IL6R: variants seen among roughly 807,000 people sequenced by gnomAD.
IL6R encodes interleukin 6 receptor.
IL6R carries 38 observed loss-of-function variants against 48.3 expected under a neutral mutation model. The ratio of observed to expected loss-of-function variants is 0.79; its 90% CI spans 0.61 to 1.03. The LOEUF (loss-of-function observed/expected upper bound fraction) is 1.03. Ranked by LOEUF, IL6R falls within the 50% of genes least tolerant of loss-of-function variation. The pLI is 0.00. For missense variants in IL6R, 534 were observed against 618.3 expected (o/e 0.86, Z 1.45); for synonymous variants, 264 against 256.2 (o/e 1.03, Z -0.29).
chr1:154,450,104 C>G lies in IL6R; in HGVS notation c.1066+124C>G, dbSNP rs112232152. On this transcript the variant is annotated intron_variant, in intron 8 of 9. Transcript: ENST00000368485. ...ATCACAGATCAATCGCAGAAATGTTCTGTGTGTGTGTGTGTGTGTGTGTGT... is the reference window on the plus strand; with the variant it reads ...ATCACAGATCAATCGCAGAAATGTTGTGTGTGTGTGTGTGTGTGTGTGTGT... The G allele has an allele frequency of 3.6e-4, 175 of 480,842 alleles. 3 individuals carry two copies. Among genetic ancestry groups the G allele is most frequent in the East Asian group, 2.0e-3 (48 of 23,428 alleles). 29.8% of individuals were successfully genotyped at this position (480,842 alleles called of 1,614,324 possible). A position where few individuals can be genotyped will look rare whatever the true frequency, so the allele number is the denominator to read the frequency against.
chr1:154,457,061 G>A (rs1230916072), intron 9 of IL6R, among the ~76,000 whole-genome samples: 2 of 151,856 alleles, frequency 1.3e-5, no homozygotes, highest in Non-Finnish European at 2.9e-5. Context: ...GGTAGCTAAC[G>A]CCTGTAATCC....
intron 1 of IL6R, among the ~76,000 whole-genome samples, chr1:154,422,788 G>A (rs768997813): frequency 5.9e-5 from 9 of 152,220 alleles, no homozygotes; most frequent in Non-Finnish European, 1.0e-4. Context: ...GTGTCAGGCC[G>A]GGGTGGGAGC....
At chr1:154,414,493 C>A in intron 1 of IL6R, 1 of 886,622 alleles carries the variant, frequency 1.1e-6, no homozygotes, top group South Asian at 1.4e-5. Flanking sequence ...GGCCCGGGAC[C>A]CACCCTCACT....
At chr1:154,457,063 C>T (rs1204386061) in intron 9 of IL6R, among the ~76,000 whole-genome samples, 2 of 151,964 alleles carry the variant, frequency 1.3e-5, no homozygotes, top group African/African-American at 4.8e-5. Flanking sequence ...TAGCTAACGC[C>T]TGTAATCCCA....
At chr1:154,443,732 T>C (rs1458635917) in intron 6 of IL6R, among the ~76,000 whole-genome samples, 3 of 152,350 alleles carry the variant, frequency 2.0e-5, no homozygotes, top group South Asian at 4.1e-4. Context: ...GCCTGGCACA[T>C]GACAAGGGTG....
chr1:154,459,744 G>A (rs1405800062), intron 9 of IL6R, among the ~76,000 whole-genome samples: 3 of 151,886 alleles, frequency 2.0e-5, no homozygotes, highest in Non-Finnish European at 4.4e-5. Context: ...CCTATTCTCT[G>A]TCCCCCACTG....
At position 154,465,071 on chromosome 1, in the gene IL6R, T is replaced by C. The variant is rs376068379; in HGVS notation, c.1161-63T>C. ...GCAGCCAGCTGTTGGTGTTTTCCAC[T>C]GTGGGCTTGTCACAGGGGGAGCTAA... On this transcript the variant is annotated intron_variant, in intron 9 of 9. Transcript: ENST00000368485. 1,004 of 1,605,598 alleles carry C rather than the reference T, an allele frequency of 6.3e-4. 5 individuals carry two copies. The highest frequency in any genetic ancestry group is 7.7e-4 in the Non-Finnish European group (905 of 1,173,262).
At chr1:154,420,721 A>G (rs556743599) in intron 1 of IL6R, among the ~76,000 whole-genome samples, 3 of 151,818 alleles carry the variant, frequency 2.0e-5, no homozygotes, top group Admixed American at 6.6e-5. Flanking sequence ...TTTTTAATAG[A>G]GACAGGGTTT....
At chr1:154,409,533 G>C (rs763359239) in intron 1 of IL6R, among the ~76,000 whole-genome samples, 2 of 152,150 alleles carry the variant, frequency 1.3e-5, no homozygotes, top group Non-Finnish European at 2.9e-5. Context: ...GTATTACCTC[G>C]AAGGGTGGTT....
At chr1:154,453,765 C>T (rs1690720837) in intron 8 of IL6R, among the ~76,000 whole-genome samples, 1 of 152,132 alleles carries the variant, frequency 6.6e-6, no homozygotes, top group Admixed American at 6.5e-5. Flanking sequence ...GGCACTTGCT[C>T]AGCTTGGAGT....
intron 1 of IL6R, chr1:154,414,897 G>A: frequency 1.2e-6 from 1 of 857,316 alleles, no homozygotes; most frequent in South Asian, 1.4e-5. Flanking sequence ...CAAAGTAGCA[G>A]CATTTGAGCT....
rs1691609067 is a variant in IL6R, at chr1:154,467,489, T to C, written c.*2109T>C. On this transcript the variant is annotated 3_prime_UTR_variant, in exon 10 of 10. Coordinates refer to ENST00000368485, the MANE Select transcript of IL6R (RefSeq NM_000565.4). ...AAGGATGAAAGTGACCATGTTTTGT[T>C]TACGGTTTTCCAGGTTTAAGCTGTT... 6.6e-6 allele frequency: 1 copy of C among 152,252 alleles called. No individual in the cohort carries two copies. Among genetic ancestry groups the C allele is most frequent in the South Asian group, 2.1e-4 (1 of 4,836 alleles). The allele number at this position is 152,252 out of a possible 1,614,324, so 9.4% of individuals were successfully genotyped here.
At chr1:154,437,449 C>T (rs1383607564) in intron 6 of IL6R, 1 of 391,586 alleles carries the variant, frequency 2.6e-6, no homozygotes, top group Non-Finnish European at 5.3e-6. Flanking sequence ...GCTTTCTCCT[C>T]GTTGCCCAGG....
At chr1:154,462,518 C>T (rs1445008719) in intron 9 of IL6R, among the ~76,000 whole-genome samples, 7 of 151,920 alleles carry the variant, frequency 4.6e-5, no homozygotes, top group African/African-American at 7.3e-5. Context: ...GGATTACAGG[C>T]GCCTGCTACC....
chr1:154,454,664 T>C (rs965145256), intron 9 of IL6R, 83 bp downstream of exon 9: 3 of 913,426 alleles, frequency 3.3e-6, no homozygotes, highest in South Asian at 1.4e-5. Flanking sequence ...AAATTTATGG[T>C]GCATTTATTC....
chr1:154,414,351 G>A (rs1688209759), intron 1 of IL6R: 5 of 1,319,864 alleles, frequency 3.8e-6, no homozygotes, highest in Admixed American at 3.7e-5. Context: ...GCCCCACCCT[G>A]TGCCTGGTGG....
chr1:154,437,561 G>A (rs1689702118), intron 6 of IL6R: 1 of 397,822 alleles, frequency 2.5e-6, no homozygotes. Flanking sequence ...CCACAGGCGT[G>A]TGCCACAATG....
At chr1:154,427,344 C>T (rs1428806396) in intron 1 of IL6R, among the ~76,000 whole-genome samples, 1 of 152,170 alleles carries the variant, frequency 6.6e-6, no homozygotes, top group Admixed American at 6.5e-5. Flanking sequence ...CAGTGCCTGG[C>T]TGCTGCAGCC....
intron 6 of IL6R, among the ~76,000 whole-genome samples, chr1:154,441,724 C>T (rs1252645979): frequency 6.6e-6 from 1 of 152,018 alleles, no homozygotes; most frequent in African/African-American, 2.4e-5. Context: ...GCTTACCCAC[C>T]CCAAGGACCT....
Sources: allele counts gnomAD v4.1 joint callset (sites outside exome capture counted in the v4.1 genomes callset), GRCh38; gene constraint gnomAD v4.1.1; transcripts MANE v1.5; gene names NCBI Gene and HGNC (gene_info 2026-07-23, HGNC 2026-07-21).